Variants in ZFAT observed in about 807,000 individuals in gnomAD.
The protein encoded by ZFAT is zinc finger protein ZFAT.
Under a neutral mutation model 117.7 loss-of-function variants are expected in ZFAT, and 64 were observed. That is an observed-to-expected ratio of 0.54 (90% CI 0.44 to 0.67). ZFAT has a LOEUF of 0.67. Among genes scored for constraint, ZFAT ranks in the 30% least tolerant of loss-of-function variants. ZFAT has a pLI of 0.00. For synonymous variants in ZFAT, 679 were observed against 615.0 expected, an observed-to-expected ratio of 1.10 and a Z score of -1.54; for missense variants, 1,433 against 1,584.5, an observed-to-expected ratio of 0.90 and a Z score of 1.62.
chr8:134,617,880 C>T (rs146316666), intron 3 of ZFAT, among the ~76,000 whole-genome samples: 82 of 152,302 alleles, frequency 5.4e-4, no homozygotes, highest in African/African-American at 1.9e-3. Flanking sequence ...TGAATTGTAT[C>T]TCCCAGAATT....
chr8:134,637,413 C>A, intron 3 of ZFAT, 48 bp downstream of exon 3: 1 of 1,572,658 alleles, frequency 6.4e-7, no homozygotes. Context: ...TTAGCAGATA[C>A]ACCTCTTCAT....
intron 11 of ZFAT, among the ~76,000 whole-genome samples, chr8:134,540,231 G>C (rs995673659): frequency 1.3e-5 from 2 of 152,184 alleles, no homozygotes; most frequent in African/African-American, 4.8e-5. Context: ...CTCGGAAGAA[G>C]GACAAGAGAG....
At chr8:134,830,394 G>A in the ZFAT span, among the ~76,000 whole-genome samples, 1 of 152,120 alleles carries the variant, frequency 6.6e-6, no homozygotes, top group African/African-American at 2.4e-5. Flanking sequence ...TCTGCATCTG[G>A]TACTGAAAAC....
intron 15 of ZFAT, among the ~76,000 whole-genome samples, chr8:134,488,113 G>A (rs1472987812): frequency 6.6e-6 from 1 of 152,238 alleles, no homozygotes; most frequent in Non-Finnish European, 1.5e-5. Flanking sequence ...GTTCCAGGGG[G>A]ACGTCTAGGG....
At chr8:134,515,164 T>C (rs1820161997) in intron 13 of ZFAT, among the ~76,000 whole-genome samples, 1 of 152,240 alleles carries the variant, frequency 6.6e-6, no homozygotes, top group African/African-American at 2.4e-5. Context: ...TGCATAGTAT[T>C]CCATGGTGTA....
chr8:134,646,744 G>C (rs560579529), intron 2 of ZFAT, among the ~76,000 whole-genome samples: 3 of 151,856 alleles, frequency 2.0e-5, no homozygotes, highest in Non-Finnish European at 4.4e-5. Flanking sequence ...AGAAAGACAA[G>C]TGATCATAAA....
At chr8:134,722,304 A>G in the ZFAT span, among the ~76,000 whole-genome samples, 4 of 152,226 alleles carry the variant, frequency 2.6e-5, no homozygotes, top group African/African-American at 9.6e-5. Context: ...TGCCAGGCAC[A>G]GGGGAATTTT....
chr8:134,790,219 C>G, the ZFAT span, among the ~76,000 whole-genome samples: 7 of 152,280 alleles, frequency 4.6e-5, no homozygotes, highest in Non-Finnish European at 7.3e-5. Context: ...TGGCCTGTAG[C>G]CCTTATATTT....
chr8:134,608,738 T>G lies in ZFAT; in HGVS notation c.776A>C (p.Lys259Thr). 1 of 1,610,518 alleles carries G rather than the reference T, an allele frequency of 6.2e-7. No homozygotes were observed. The highest frequency in any genetic ancestry group is 8.5e-7 in the Non-Finnish European group (1 of 1,178,690). The change falls in exon 5 of 16, where the codon AAG becomes ACG. Residue 259 changes from lysine (K) to threonine (T), a missense_variant. Physicochemically the swap from Lys to Thr is moderately conservative, Grantham distance 78. Transcript: ENST00000377838. ...GAACAAAACACTTTACCTGCTTGAC[T>G]TCATTGGTTGCTCATAAGGTGTCTG... is the stretch of plus-strand genomic sequence containing the variant. ...IQQTPYEQPM[K>T]SSRLGPTQLK...
At chr8:134,757,852 C>T in the ZFAT span, among the ~76,000 whole-genome samples, 2 of 152,104 alleles carry the variant, frequency 1.3e-5, no homozygotes, top group African/African-American at 4.8e-5. Context: ...CCGAGGGGAC[C>T]AGAGAGGGGA....
chr8:134,543,218 C>G (rs1000871196), intron 11 of ZFAT, among the ~76,000 whole-genome samples: 9 of 137,588 alleles, frequency 6.5e-5, no homozygotes, highest in Non-Finnish European at 1.4e-4. Context: ...GCACAGAAGA[C>G]ATGGGGTCAT....
chr8:134,532,722 T>C (rs899144531), intron 12 of ZFAT, 112 bp downstream of exon 12: 3 of 1,368,508 alleles, frequency 2.2e-6, no homozygotes, highest in Non-Finnish European at 2.0e-6. Flanking sequence ...TGAACATCAC[T>C]GGCACATTTA....
At chr8:134,575,703 G>GT (rs1825250145) in intron 10 of ZFAT, among the ~76,000 whole-genome samples, 1 of 152,154 alleles carries the variant, frequency 6.6e-6, no homozygotes, top group Non-Finnish European at 1.5e-5. Flanking sequence ...GGAGCACAAG[G>GT]TTTTCCCTAC....
the ZFAT span, chr8:134,797,120 G>C: frequency 6.6e-6 from 1 of 152,082 alleles, no homozygotes; most frequent in African/African-American, 2.4e-5. Flanking sequence ...AAATAACTCA[G>C]TATTTTGGTG....
rs191595629 is a variant in ZFAT at position 134,699,012 on chromosome 8, A to G, written c.19+13833T>C. Among the ~76,000 whole-genome samples the G allele has an allele frequency of 1.7e-3, 253 of 152,344 alleles. 1 individual carries two copies. The highest frequency in any genetic ancestry group is 5.8e-3 in the African/African-American group (243 of 41,562). On this transcript the variant is annotated intron_variant, in intron 1 of 15. Transcript: ENST00000377838. ...AAGAGAAGAAGAGGAGAGTGAGATCAACATTAAAAAGGCAGAATCAAAGCC... is the reference window on the plus strand; with the variant it reads ...AAGAGAAGAAGAGGAGAGTGAGATCGACATTAAAAAGGCAGAATCAAAGCC...
chr8:134,484,964 C>T (rs1275279709), intron 15 of ZFAT, among the ~76,000 whole-genome samples: 1 of 152,098 alleles, frequency 6.6e-6, no homozygotes, highest in South Asian at 2.1e-4. Context: ...AAGCAGTAAA[C>T]ACACAATGAT....
intron 1 of ZFAT, among the ~76,000 whole-genome samples, chr8:134,693,026 T>C (rs571859746): frequency 3.3e-4 from 50 of 152,332 alleles, no homozygotes; most frequent in Admixed American, 3.2e-3. Flanking sequence ...AAGAGGGAAA[T>C]ACAGATTGTG....
At chr8:134,542,844 C>T (rs1822370548) in intron 11 of ZFAT, among the ~76,000 whole-genome samples, 1 of 152,240 alleles carries the variant, frequency 6.6e-6, no homozygotes, top group African/African-American at 2.4e-5. Flanking sequence ...CAGCCAGATA[C>T]ATGCAGTTAC....
At chr8:134,812,070 G>GTTTTTAAT in the ZFAT span, among the ~76,000 whole-genome samples, 1 of 152,074 alleles carries the variant, frequency 6.6e-6, no homozygotes, top group African/African-American at 2.4e-5. Flanking sequence ...CCTGAACCTG[G>GTTTTTAAT]GAGGCAGAGG....
Sources: allele counts gnomAD v4.1 joint callset (sites outside exome capture counted in the v4.1 genomes callset), GRCh38; gene constraint gnomAD v4.1.1; transcripts MANE v1.5; gene names NCBI Gene and HGNC (gene_info 2026-07-23, HGNC 2026-07-21).